Variants in USP22 observed in about 807,000 individuals in gnomAD.
The protein encoded by USP22 is ubiquitin specific peptidase 22, also known as ubiquitin carboxyl-terminal hydrolase 22.
In USP22, 22 loss-of-function variants were observed where a neutral mutation model predicts 68.1. That is an observed-to-expected ratio of 0.32 (90% CI 0.23 to 0.46). The LOEUF (loss-of-function observed/expected upper bound fraction) is 0.46. Among genes scored for constraint, USP22 ranks in the 20% least tolerant of loss-of-function variants. USP22 has a pLI of 1.00. For missense variants in USP22, 433 were observed against 695.8 expected (o/e 0.62, Z 4.25); for synonymous variants, 279 against 274.2 (o/e 1.02, Z -0.17).
At chr17:21,027,193 CAGA>C (rs1277067104) in intron 2 of USP22, among the ~76,000 whole-genome samples, 1 of 149,314 alleles carries the variant, frequency 6.7e-6, no homozygotes, top group Non-Finnish European at 1.5e-5. Context: ...GAGGCTGAGG[CAGA>C]AGGATCTCCT....
At chr17:21,003,515 T>C (rs1260066656) in intron 12 of USP22, among the ~76,000 whole-genome samples, 1 of 151,804 alleles carries the variant, frequency 6.6e-6, no homozygotes, top group East Asian at 1.9e-4. Context: ...CCTCAGGGAG[T>C]TCATGGCAGC....
chr17:21,042,710 G>A lies in USP22; in HGVS notation c.126C>T (p.Tyr42=), dbSNP rs747770402. The A allele has an allele frequency of 2.5e-5, 36 of 1,444,556 alleles. No individual in the cohort carries two copies. Among genetic ancestry groups the A allele is most frequent in the Non-Finnish European group, 3.1e-5 (34 of 1,091,050 alleles). The allele number at this position is 1,444,556 out of a possible 1,614,324, so 89.5% of individuals were successfully genotyped here. A position where few individuals can be genotyped will look rare whatever the true frequency, so the allele number is the denominator to read the frequency against. ...DNWKQNLRAI[Y]QCFVWSGTAE... ...CCGTGCCGCTCCACACGAAGCACTGGTAGATGGCCCGCAGGTTCTGCTTCC... is the reference window on the plus strand; with the variant it reads ...CCGTGCCGCTCCACACGAAGCACTGATAGATGGCCCGCAGGTTCTGCTTCC... Residue 42 remains tyrosine, a synonymous_variant, in exon 1 of 13, where the codon TAC becomes TAT. Coordinates refer to ENST00000261497, the MANE Select transcript of USP22 (RefSeq NM_015276.2).
At chr17:21,030,380 G>GTA (rs936776217) in intron 1 of USP22, among the ~76,000 whole-genome samples, 2 of 149,800 alleles carry the variant, frequency 1.3e-5, no homozygotes, top group African/African-American at 5.1e-5. Flanking sequence ...GTGTGTGTGT[G>GTA]TGTGTGTATG....
At chr17:21,007,019 G>A (rs769378970) in intron 9 of USP22, 32 bp from the exon 10 acceptor site, 13 of 1,548,106 alleles carry the variant, frequency 8.4e-6, no homozygotes, top group Non-Finnish European at 1.1e-5. Context: ...AGAGGGAAGA[G>A]GAAAGAAGAT....
chr17:21,004,476 G>A (rs1913710178), intron 11 of USP22, 125 bp from the exon 12 acceptor site: 5 of 1,229,880 alleles, frequency 4.1e-6, no homozygotes, highest in Non-Finnish European at 5.7e-6. Context: ...CAACCCCCAG[G>A]GCCTCAGGCT....
At chr17:21,032,723 G>A (rs12951361) in intron 1 of USP22, among the ~76,000 whole-genome samples, 1 of 152,060 alleles carries the variant, frequency 6.6e-6, no homozygotes, top group Non-Finnish European at 1.5e-5. Context: ...AGGACAGCTT[G>A]AGGCCAGGAG....
intron 1 of USP22, among the ~76,000 whole-genome samples, chr17:21,035,736 G>A (rs936933565): frequency 6.6e-6 from 1 of 152,098 alleles, no homozygotes; most frequent in African/African-American, 2.4e-5. Context: ...AAAAGAAAAA[G>A]GAATGAACTT....
intron 1 of USP22, among the ~76,000 whole-genome samples, chr17:21,042,030 C>G (rs992228316): frequency 6.6e-6 from 1 of 152,234 alleles, no homozygotes; most frequent in Non-Finnish European, 1.5e-5. Flanking sequence ...AGCTCCGGCC[C>G]CGCGCCCCCC....
chr17:21,031,252 G>A lies in USP22; in HGVS notation c.172-2578C>T, dbSNP rs374156056. On this transcript the variant is annotated intron_variant, in intron 1 of 12. Coordinates refer to ENST00000261497, the MANE Select transcript of USP22 (RefSeq NM_015276.2). ...TTGTAGCATTATTACTTGCAACACCGCAGAGCTGAAAATACAAATGTTCAT... is the reference window on the plus strand; with the variant it reads ...TTGTAGCATTATTACTTGCAACACCACAGAGCTGAAAATACAAATGTTCAT... Among the ~76,000 whole-genome samples the A allele has an allele frequency of 3.3e-5, 5 of 152,230 alleles. No homozygotes were observed. In the East Asian group the frequency reaches 7.7e-4, roughly 23 times the overall value.
At chr17:21,005,990 G>A (rs1003733721) in intron 10 of USP22, among the ~76,000 whole-genome samples, 8 of 152,182 alleles carry the variant, frequency 5.3e-5, no homozygotes, top group African/African-American at 1.7e-4. Context: ...GGAAGCCAGG[G>A]GAGTGACAGC....
intron 5 of USP22, among the ~76,000 whole-genome samples, chr17:21,017,214 A>C (rs575924331): frequency 4.6e-5 from 7 of 152,364 alleles, no homozygotes; most frequent in Non-Finnish European, 1.0e-4. Context: ...CCAGACAGAC[A>C]TGAGTGAGCT....
chr17:21,019,868 C>T (rs1022047124), intron 3 of USP22, among the ~76,000 whole-genome samples: 12 of 152,210 alleles, frequency 7.9e-5, no homozygotes, highest in African/African-American at 2.9e-4. Context: ...TTCTTAGGCC[C>T]GTGCTTTAAG....
intron 2 of USP22, among the ~76,000 whole-genome samples, chr17:21,027,878 G>A (rs992936701): frequency 2.0e-5 from 3 of 152,114 alleles, no homozygotes; most frequent in African/African-American, 7.2e-5. Context: ...TGAGGCAGGA[G>A]AACTGCTTGA....
intron 2 of USP22, among the ~76,000 whole-genome samples, chr17:21,023,094 A>G (rs1597696315): frequency 1.3e-5 from 2 of 152,206 alleles, no homozygotes; most frequent in South Asian, 4.1e-4. Flanking sequence ...ACCAAATACC[A>G]CATGTTCTCA....
At position 21,002,742 on chromosome 17, in the gene USP22, C is replaced by A; in HGVS notation, c.*289G>T. On this transcript the variant is annotated 3_prime_UTR_variant, in exon 13 of 13. Coordinates refer to ENST00000261497, the MANE Select transcript of USP22 (RefSeq NM_015276.2). ...TGCTGTGAGGCCCCCGTTGCACCCC[C>A]ATGTCATGACACAAGAGATGTTCTG... 2.5e-6 allele frequency: 1 copy of A among 395,668 alleles called. No homozygotes were observed. Among genetic ancestry groups the A allele is most frequent in the South Asian group, 2.2e-5 (1 of 45,226 alleles). The allele number at this position is 395,668 out of a possible 1,614,324, so 24.5% of individuals were successfully genotyped here. A position where few individuals can be genotyped will look rare whatever the true frequency, so the allele number is the denominator to read the frequency against.
chr17:21,037,611 A>G (rs1187792192), intron 1 of USP22, among the ~76,000 whole-genome samples: 2 of 152,372 alleles, frequency 1.3e-5, no homozygotes, highest in East Asian at 3.9e-4. Context: ...CAAGGTCACC[A>G]AACAGGACAG....
Position 21,019,064 on chromosome 17 carries a change from T to C in USP22, c.520+20A>G. 1 of 1,612,346 alleles carries C rather than the reference T, an allele frequency of 6.2e-7. No homozygotes were observed. Among genetic ancestry groups the C allele is most frequent in the African/African-American group, 1.3e-5 (1 of 74,984 alleles). On this transcript the variant is annotated intron_variant, in intron 4 of 12. Coordinates refer to ENST00000261497, the MANE Select transcript of USP22 (RefSeq NM_015276.2). ...CCCTGGAAAGAAGCCTAGCTGAGAG[T>C]GACGACACGCTCCACCCACCTATGG... is the stretch of plus-strand genomic sequence containing the variant.
At chr17:21,040,173 T>C (rs1002714424) in intron 1 of USP22, among the ~76,000 whole-genome samples, 5 of 152,190 alleles carry the variant, frequency 3.3e-5, no homozygotes, top group Non-Finnish European at 7.3e-5. Flanking sequence ...AGACTCTGTC[T>C]CTACAAAAAA....
intron 2 of USP22, among the ~76,000 whole-genome samples, chr17:21,027,349 C>T (rs937830160): frequency 2.3e-4 from 34 of 148,046 alleles, no homozygotes; most frequent in African/African-American, 8.2e-4. Flanking sequence ...CAGTTAAAGC[C>T]GTGGGTCTTA....
Sources: allele counts gnomAD v4.1 joint callset (sites outside exome capture counted in the v4.1 genomes callset), GRCh38; gene constraint gnomAD v4.1.1; transcripts MANE v1.5; gene names NCBI Gene and HGNC (gene_info 2026-07-23, HGNC 2026-07-21).